LHPP: variants seen among roughly 807,000 people sequenced by gnomAD.
LHPP encodes the protein phospholysine phosphohistidine inorganic pyrophosphate phosphatase.
In LHPP, 24 loss-of-function variants were observed where a neutral mutation model predicts 30.3. The ratio of observed to expected loss-of-function variants is 0.79; its 90% CI spans 0.57 to 1.11. The LOEUF is 1.11. Ranked by LOEUF, LHPP falls within the 50% of genes most tolerant of loss-of-function variation. The pLI, the probability that LHPP is intolerant of heterozygous loss-of-function variation, is 0.00. For synonymous variants in LHPP, 150 were observed against 157.1 expected (o/e 0.95, Z 0.34); for missense variants, 356 against 367.2 (o/e 0.97, Z 0.25).
intron 6 of LHPP, among the ~76,000 whole-genome samples, chr10:124,594,566 T>C (rs999743598): frequency 6.6e-6 from 1 of 151,992 alleles, no homozygotes; most frequent in Non-Finnish European, 1.5e-5. Flanking sequence ...GGGTCGAACG[T>C]CTCCTTTTCT....
At chr10:124,605,765 C>T (rs1949083650) in intron 6 of LHPP, among the ~76,000 whole-genome samples, 3 of 146,226 alleles carry the variant, frequency 2.1e-5, no homozygotes, top group Non-Finnish European at 4.5e-5. Context: ...ACAGGGGAGG[C>T]GGGAGCAGCT....
intron 6 of LHPP, among the ~76,000 whole-genome samples, chr10:124,546,803 G>A (rs6597839): frequency 3.3e-5 from 5 of 151,966 alleles, no homozygotes; most frequent in Non-Finnish European, 7.4e-5. Context: ...TGCATGCTTC[G>A]GTTGCTGTTT....
chr10:124,525,224 G>A (rs1056680449), intron 6 of LHPP, among the ~76,000 whole-genome samples: 8 of 152,272 alleles, frequency 5.3e-5, no homozygotes, highest in East Asian at 1.9e-4. Context: ...CTCTCTGCCC[G>A]TCCCTCAGAG....
chr10:124,463,238 T>A (rs1815644672), intron 1 of LHPP, among the ~76,000 whole-genome samples: 1 of 152,154 alleles, frequency 6.6e-6, no homozygotes, highest in South Asian at 2.1e-4. Context: ...TTTTAACTTT[T>A]GTTAATGTGC....
chr10:124,520,260 T>C (rs959066805), intron 6 of LHPP, among the ~76,000 whole-genome samples: 5 of 151,590 alleles, frequency 3.3e-5, no homozygotes, highest in Admixed American at 6.6e-5. Context: ...TAGTACCCAT[T>C]AGTTATTTTT....
At chr10:124,507,188 A>G (rs1243416340) in intron 5 of LHPP, among the ~76,000 whole-genome samples, 4 of 27,730 alleles carry the variant, frequency 1.4e-4, no homozygotes, top group African/African-American at 2.9e-4. Flanking sequence ...GGTCAGGGGG[A>G]TAGACAGGAT....
chr10:124,532,446 C>T (rs1254158892), intron 6 of LHPP, among the ~76,000 whole-genome samples: 2 of 152,242 alleles, frequency 1.3e-5, no homozygotes, highest in Non-Finnish European at 2.9e-5. Flanking sequence ...GCAGTGCCTC[C>T]GATTCCAGTC....
intron 6 of LHPP, among the ~76,000 whole-genome samples, chr10:124,561,895 C>T (rs1288342962): frequency 6.6e-6 from 1 of 152,192 alleles, no homozygotes; most frequent in South Asian, 2.1e-4. Context: ...CAGACACCAG[C>T]ACTGAGATGA....
intron 1 of LHPP, among the ~76,000 whole-genome samples, chr10:124,475,215 G>C (rs1435652458): frequency 6.6e-6 from 1 of 151,652 alleles, no homozygotes; most frequent in Non-Finnish European, 1.5e-5. Context: ...TAGAGATGGG[G>C]TTTCACTGTG....
At chr10:124,503,706 A>G (rs951310702) in intron 5 of LHPP, among the ~76,000 whole-genome samples, 6 of 151,872 alleles carry the variant, frequency 4.0e-5, no homozygotes, top group Admixed American at 3.9e-4. Flanking sequence ...TCTGGTAGGT[A>G]GCCATGTTTA....
intron 1 of LHPP, among the ~76,000 whole-genome samples, chr10:124,468,729 C>T (rs1952635312): frequency 2.0e-5 from 3 of 152,222 alleles, no homozygotes; most frequent in Non-Finnish European, 2.9e-5. Context: ...CAGACCTTGG[C>T]AGGGCCCCCT....
At chr10:124,579,858 A>C (rs980536517) in intron 6 of LHPP, among the ~76,000 whole-genome samples, 3 of 150,590 alleles carry the variant, frequency 2.0e-5, no homozygotes, top group Non-Finnish European at 1.5e-5. Flanking sequence ...TGATGACTCC[A>C]AAGTGGACGT....
intron 1 of LHPP, among the ~76,000 whole-genome samples, chr10:124,468,989 G>T (rs1564765185): frequency 6.6e-6 from 1 of 152,228 alleles, no homozygotes; most frequent in Non-Finnish European, 1.5e-5. Flanking sequence ...TTCCTCGCCT[G>T]GTGATTGAGC....
At chr10:124,468,344 A>G (rs1480866036) in intron 1 of LHPP, among the ~76,000 whole-genome samples, 1 of 152,200 alleles carries the variant, frequency 6.6e-6, no homozygotes, top group East Asian at 1.9e-4. Flanking sequence ...CAGCAATGTA[A>G]TAACAATCCC....
intron 1 of LHPP, among the ~76,000 whole-genome samples, chr10:124,482,365 C>T (rs1459582654): frequency 6.6e-6 from 1 of 152,224 alleles, no homozygotes; most frequent in East Asian, 1.9e-4. Flanking sequence ...CTTTGGAGAT[C>T]AGTGGAATGT....
At chr10:124,611,597 A>G (rs1006210451) in intron 6 of LHPP, among the ~76,000 whole-genome samples, 3 of 151,694 alleles carry the variant, frequency 2.0e-5, no homozygotes, top group Non-Finnish European at 4.4e-5. Context: ...GGGAGCCCAC[A>G]CTGCCCTCCC....
chr10:124,521,868 T>TAC (rs372620418), intron 6 of LHPP, among the ~76,000 whole-genome samples: 4,334 of 149,910 alleles, frequency 0.029, 134 homozygotes, highest in African/African-American at 0.087. Flanking sequence ...CACTTACACG[T>TAC]ACACACACAC....
chr10:124,535,337 G>A (rs1344461085), intron 6 of LHPP, among the ~76,000 whole-genome samples: 2 of 152,186 alleles, frequency 1.3e-5, no homozygotes. Flanking sequence ...GAACCACTCT[G>A]CCACATGTGG....
chr10:124,502,761 C>T (rs1368729059), intron 5 of LHPP, among the ~76,000 whole-genome samples: 1 of 147,758 alleles, frequency 6.8e-6, no homozygotes, highest in Non-Finnish European at 1.5e-5. Context: ...GCAACCTCCT[C>T]CACCTCCTGG....
Sources: allele counts gnomAD v4.1 joint callset (sites outside exome capture counted in the v4.1 genomes callset), GRCh38; gene constraint gnomAD v4.1.1; transcripts MANE v1.5; gene names NCBI Gene and HGNC (gene_info 2026-07-23, HGNC 2026-07-21).